Variants in RARB observed in about 807,000 individuals in gnomAD.
RARB encodes the protein HBV-activated protein.
In RARB, 17 loss-of-function variants were observed where a neutral mutation model predicts 51.9. The observed-to-expected ratio is 0.33, with a 90% CI of 0.22 to 0.49. RARB has a LOEUF of 0.49. RARB is among the 20% of genes least tolerant of loss of function. The pLI is 0.99. For missense variants in RARB, 369 were observed against 550.8 expected (o/e 0.67, Z 3.30); for synonymous variants, 215 against 195.4 (o/e 1.10, Z -0.84).
intron 5 of RARB, among the ~76,000 whole-genome samples, chr3:25,586,131 C>G (rs971320997): frequency 2.0e-5 from 3 of 152,126 alleles, no homozygotes; most frequent in African/African-American, 7.2e-5. Context: ...CAAGCTCTTT[C>G]CTGACTCAGA....
chr3:25,297,621 T>C lies in RARB; in HGVS notation c.178+123046T>C, dbSNP rs552778377. Among the ~76,000 whole-genome samples the C allele has an allele frequency of 2.0e-5, 3 of 152,216 alleles. No individual in the cohort carries two copies. In the South Asian group the frequency reaches 6.2e-4, roughly 32 times the overall value. On this transcript the variant is annotated intron_variant, in intron 5 of 11. Coordinates refer to the RARB transcript ENST00000383772. ...CTAATCATGTACAGGGAAAAGCAGA[T>C]CTTCGTGGGGATTTTTTTCCTTTAT...
intron 2 of RARB, among the ~76,000 whole-genome samples, chr3:25,488,425 TC>T (rs751424514): frequency 3.9e-5 from 6 of 152,138 alleles, no homozygotes; most frequent in Non-Finnish European, 8.8e-5. Context: ...AAATAAACAC[TC>T]CCTCCTAAGT....
Position 25,108,629 on chromosome 3 carries a change from A to C in RARB, c.-327-23532A>C, listed in dbSNP as rs566836098. Among the ~76,000 whole-genome samples the C allele has an allele frequency of 3.9e-5, 6 of 152,308 alleles. No individual in the cohort carries two copies. The South Asian group carries it at 1.0e-3, about 26-fold the overall frequency. On this transcript the variant is annotated intron_variant, in intron 3 of 11. Coordinates refer to the RARB transcript ENST00000383772. ...TGTCTAATTCAGTGTCCAGGGAAAA[A>C]AGAATGGATTTGATGGATAGATTAT...
At position 25,597,621 on chromosome 3, in the gene RARB, G is replaced by C. The variant is rs927430391; in HGVS notation, c.*1005G>C. ...TTTTTTCCAGCCTTCTTGATGCCAA[G>C]GGGCTAATTAATATTAACAACTCCC... On this transcript the variant is annotated 3_prime_UTR_variant, in exon 8 of 8. Transcript: ENST00000330688. The C allele has an allele frequency of 6.6e-6, 1 of 151,426 alleles. No individual in the cohort carries two copies. The highest frequency in any genetic ancestry group is 1.5e-5 in the Non-Finnish European group (1 of 67,590). 9.4% of individuals were successfully genotyped at this position (151,426 alleles called of 1,614,324 possible).
intron 5 of RARB, among the ~76,000 whole-genome samples, chr3:25,309,682 G>C (rs1704243497): frequency 6.7e-6 from 1 of 148,176 alleles, no homozygotes; most frequent in South Asian, 2.2e-4. Flanking sequence ...ATTTTTAGTA[G>C]AGATAGGGTT....
rs4681038 is a variant in RARB, at chr3:25,225,525, T to G, written c.178+50950T>G. 2.6e-5 allele frequency among the ~76,000 whole-genome samples: 4 copies of G among 152,064 alleles called. No individual in the cohort carries two copies. In the East Asian group the frequency reaches 7.7e-4, roughly 29 times the overall value. ...AACTCAGCATCATTGTAAGACCTTA[T>G]GCTTTCTAGAATCTTTAAATTCCCA... On this transcript the variant is annotated intron_variant, in intron 5 of 11. Transcript: ENST00000383772.
chr3:24,944,914 A>C (rs1695741814), intron 2 of RARB, among the ~76,000 whole-genome samples: 1 of 152,202 alleles, frequency 6.6e-6, no homozygotes, highest in South Asian at 2.1e-4. Context: ...GTTCAGTAAC[A>C]TTAAGGGTTT....
intron 3 of RARB, among the ~76,000 whole-genome samples, chr3:25,101,467 T>A (rs1194612173): frequency 6.6e-6 from 1 of 152,140 alleles, no homozygotes; most frequent in East Asian, 1.9e-4. Context: ...ATATATATTA[T>A]ATACATATTT....
At chr3:25,422,583 G>A (rs1336607598) in intron 5 of RARB, among the ~76,000 whole-genome samples, 1 of 152,052 alleles carries the variant, frequency 6.6e-6, no homozygotes, top group Admixed American at 6.6e-5. Flanking sequence ...CATTTTGAAG[G>A]CAGAGATGTT....
intron 2 of RARB, among the ~76,000 whole-genome samples, chr3:25,470,152 T>C (rs773694540): frequency 1.3e-5 from 2 of 152,116 alleles, no homozygotes; most frequent in African/African-American, 2.4e-5. Flanking sequence ...TGTTTAAAAA[T>C]TAGCTCCTGG....
At chr3:25,056,655 T>C (rs1698448348) in intron 2 of RARB, among the ~76,000 whole-genome samples, 1 of 152,132 alleles carries the variant, frequency 6.6e-6, no homozygotes, top group Non-Finnish European at 1.5e-5. Context: ...AGATACCCAA[T>C]TTATATACTT....
At chr3:25,429,572 G>T (rs1708118040) in intron 1 of RARB, among the ~76,000 whole-genome samples, 2 of 152,148 alleles carry the variant, frequency 1.3e-5, no homozygotes, top group South Asian at 4.1e-4. Context: ...ACACCCCTTG[G>T]ACTGAGCCAT....
At chr3:25,400,994 C>G (rs191778275) in intron 5 of RARB, among the ~76,000 whole-genome samples, 1 of 152,104 alleles carries the variant, frequency 6.6e-6, no homozygotes, top group African/African-American at 2.4e-5. Flanking sequence ...AAAGGAAATG[C>G]AAAACTCATG....
rs971150369 is a variant in RARB, at chr3:24,998,564, A to G, written c.-379-61561A>G. Among the ~76,000 whole-genome samples the G allele has an allele frequency of 7.2e-5, 11 of 152,004 alleles. 1 individual carries two copies. Among genetic ancestry groups the G allele is most frequent in the Admixed American group, 7.2e-4 (11 of 15,232 alleles). On this transcript the variant is annotated intron_variant, in intron 2 of 11. Transcript: ENST00000383772. ...CAGCTGTTTGAAGGCCTAGGCTTTA[A>G]TGGGCCTCAGGCCACATGTTCTGTT...
intron 2 of RARB, among the ~76,000 whole-genome samples, chr3:24,942,083 CAT>C (rs540412584): frequency 3.9e-5 from 6 of 152,202 alleles, no homozygotes; most frequent in Admixed American, 6.5e-5. Flanking sequence ...TGATTTCACA[CAT>C]GTTTTCATTT....
At chr3:25,491,085 T>C (rs1232000949) in intron 2 of RARB, among the ~76,000 whole-genome samples, 3 of 152,166 alleles carry the variant, frequency 2.0e-5, no homozygotes, top group Admixed American at 1.3e-4. Context: ...CTCATACTCT[T>C]CACCTTCTTT....
intron 3 of RARB, among the ~76,000 whole-genome samples, chr3:25,119,460 G>A (rs1035127575): frequency 1.3e-5 from 2 of 152,032 alleles, no homozygotes; most frequent in Admixed American, 1.3e-4. Context: ...CAAAGTAATC[G>A]ATGTTAAGAG....
At chr3:25,403,257 A>G (rs1707314371) in intron 5 of RARB, among the ~76,000 whole-genome samples, 1 of 152,100 alleles carries the variant, frequency 6.6e-6, no homozygotes, top group Non-Finnish European at 1.5e-5. Context: ...TAAAATAAAG[A>G]GTGTAATTGG....
intron 2 of RARB, among the ~76,000 whole-genome samples, chr3:25,058,212 T>A (rs1171772082): frequency 3.3e-5 from 5 of 151,888 alleles, no homozygotes; most frequent in African/African-American, 1.2e-4. Flanking sequence ...GCAGTATAGG[T>A]AAAGAAGGTT....
Sources: gnomAD v4.1 joint callset for allele counts (sites outside exome capture counted in the v4.1 genomes callset) on GRCh38, gnomAD v4.1.1 for gene constraint, MANE v1.5 for transcripts, NCBI Gene and HGNC (gene_info 2026-07-23, HGNC 2026-07-21) for gene names.